The following RIPOR2 variants were observed in gnomAD, a reference collection of about 807,000 sequenced individuals.
RIPOR2 encodes RHO family interacting cell polarization regulator 2.
A neutral mutation model predicts 114.5 loss-of-function variants in RIPOR2; 39 were observed. That is an observed-to-expected ratio of 0.34 (90% CI 0.26 to 0.44). The LOEUF is 0.44. Ranked by LOEUF, RIPOR2 falls within the 20% of genes least tolerant of loss-of-function variation. The pLI is 1.00. For missense variants in RIPOR2, 1,007 were observed against 1,255.1 expected (o/e 0.80, Z 2.99); for synonymous variants, 445 against 484.4 (o/e 0.92, Z 1.07).
intron 17 of RIPOR2, 23 bp downstream of exon 17, chr6:24,830,484 TTC>T: frequency 2.1e-6 from 3 of 1,407,254 alleles, no homozygotes; most frequent in Non-Finnish European, 2.9e-6. Context: ...AGGACAGAAA[TTC>T]TCTCTCTACT....
chr6:24,943,848 T>C (rs1248289813), intron 1 of RIPOR2, among the ~76,000 whole-genome samples: 4 of 152,188 alleles, frequency 2.6e-5, no homozygotes, highest in Admixed American at 1.3e-4. Context: ...ATTTGACCTG[T>C]CTGGTGGTTC....
intron 1 of RIPOR2, among the ~76,000 whole-genome samples, chr6:25,031,818 T>C (rs1776996825): frequency 7.1e-6 from 1 of 141,472 alleles, no homozygotes; most frequent in South Asian, 2.2e-4. Flanking sequence ...CCATAGAACA[T>C]ATATATTATA....
chr6:24,854,996 T>C (rs4431425), intron 8 of RIPOR2, among the ~76,000 whole-genome samples: 84,619 of 141,014 alleles, frequency 0.6, 25,320 homozygotes, highest in Middle Eastern at 0.71. Context: ...CACTGCACTT[T>C]AGCCTGGCAA....
intron 1 of RIPOR2, among the ~76,000 whole-genome samples, chr6:24,974,953 G>T (rs1227654996): frequency 6.6e-6 from 1 of 152,246 alleles, no homozygotes; most frequent in African/African-American, 2.4e-5. Context: ...AATCTTCAGA[G>T]ACAGAAAGTA....
intron 20 of RIPOR2, among the ~76,000 whole-genome samples, chr6:24,810,762 A>AT (rs61298573): frequency 0.44 from 66,008 of 150,656 alleles, 15,372 homozygotes; most frequent in Non-Finnish European, 0.53. Context: ...CCTGAAGGTA[A>AT]TTTTTTTTTT....
intron 1 of RIPOR2, among the ~76,000 whole-genome samples, chr6:24,899,715 C>T (rs139892649): frequency 6.6e-6 from 1 of 152,284 alleles, no homozygotes; most frequent in Non-Finnish European, 1.5e-5. Context: ...ACGGATCAGA[C>T]AAAAGTCCTC....
intron 20 of RIPOR2, among the ~76,000 whole-genome samples, chr6:24,811,347 C>T (rs1250592720): frequency 1.3e-5 from 2 of 149,662 alleles, no homozygotes; most frequent in East Asian, 2.0e-4. Flanking sequence ...GATTCTCCTG[C>T]CTCAGCCTCC....
chr6:24,940,287 G>A (rs968544193), upstream of RIPOR2, among the ~76,000 whole-genome samples: 11 of 152,242 alleles, frequency 7.2e-5, no homozygotes, highest in African/African-American at 2.2e-4. Flanking sequence ...AACATCCAAC[G>A]TGGGCTTTTA....
intron 1 of RIPOR2, among the ~76,000 whole-genome samples, chr6:24,921,222 G>A (rs1770453934): frequency 6.6e-6 from 1 of 152,046 alleles, no homozygotes; most frequent in African/African-American, 2.4e-5. Context: ...GAGTGCAGTG[G>A]CATGATCTCG....
intron 1 of RIPOR2, among the ~76,000 whole-genome samples, chr6:25,021,768 C>T (rs1231251446): frequency 6.6e-6 from 1 of 152,032 alleles, no homozygotes; most frequent in Non-Finnish European, 1.5e-5. Flanking sequence ...CCCACCTGTT[C>T]CCAAAAAACC....
At chr6:24,970,734 G>A (rs1214528122) in intron 1 of RIPOR2, among the ~76,000 whole-genome samples, 2 of 152,122 alleles carry the variant, frequency 1.3e-5, no homozygotes, top group Non-Finnish European at 2.9e-5. Flanking sequence ...TGAAACCAGG[G>A]AAATATCATG....
At chr6:24,946,089 AT>A (rs34818168) in intron 1 of RIPOR2, among the ~76,000 whole-genome samples, 108,317 of 149,346 alleles carry the variant, frequency 0.73, 39,384 homozygotes, top group African/African-American at 0.79. Context: ...TTTTTAATTA[AT>A]TTTTTTTTTT....
intron 1 of RIPOR2, among the ~76,000 whole-genome samples, chr6:24,970,806 G>T (rs762536659): frequency 6.6e-6 from 1 of 152,202 alleles, no homozygotes; most frequent in African/African-American, 2.4e-5. Context: ...TGTTGCCATT[G>T]TGTAGTGGTA....
At chr6:24,933,397 G>C (rs1309682611) in intron 1 of RIPOR2, among the ~76,000 whole-genome samples, 1 of 152,156 alleles carries the variant, frequency 6.6e-6, no homozygotes, top group African/African-American at 2.4e-5. Flanking sequence ...TGAATTGGTT[G>C]GCAAAGCCTA....
chr6:24,830,712 T>C (rs57860512), intron 16 of RIPOR2, 42 bp from the exon 17 acceptor site: 10 of 1,503,528 alleles, frequency 6.7e-6, no homozygotes, highest in South Asian at 5.1e-5. Flanking sequence ...ACACATTTTA[T>C]TTTATTTTAT....
chr6:24,820,136 G>A (rs1433682865), intron 19 of RIPOR2, among the ~76,000 whole-genome samples: 10 of 152,042 alleles, frequency 6.6e-5, no homozygotes, highest in Non-Finnish European at 1.0e-4. Context: ...GGGTTCAAGC[G>A]ATTCTCCTGC....
intron 1 of RIPOR2, among the ~76,000 whole-genome samples, chr6:24,980,728 G>A (rs1045615677): frequency 2.0e-5 from 3 of 152,184 alleles, no homozygotes; most frequent in African/African-American, 7.2e-5. Context: ...GTCACAGGGG[G>A]CTTTTGGGCA....
rs1231039210 is a variant in RIPOR2, at chr6:24,843,033, C to T, written c.1686G>A (p.Leu562=). 4 of 1,609,522 alleles carry T rather than the reference C, an allele frequency of 2.5e-6. No homozygotes were observed. Among genetic ancestry groups the T allele is most frequent in the East Asian group, 4.5e-5 (2 of 44,794 alleles). The change falls in exon 13 of 22, where the codon CTG becomes CTA. Residue 562 remains leucine, a synonymous_variant. Transcript: ENST00000643898. ...CTCCACCAACAGAACCCTCAGAGAG[C>T]AGCCTGTCTGTGGCCATTGGCACCT... ...SAEVPMATDR[L]LSEGSVGGES... is the part of the protein sequence containing the mutation.
At chr6:24,833,892 G>A (rs1308836257) in intron 15 of RIPOR2, among the ~76,000 whole-genome samples, 5 of 151,966 alleles carry the variant, frequency 3.3e-5, no homozygotes, top group African/African-American at 9.7e-5. Context: ...TAGTCTTTGC[G>A]AGAAAACAGT....
Sources: gnomAD v4.1 joint callset for allele counts (sites outside exome capture counted in the v4.1 genomes callset) on GRCh38, gnomAD v4.1.1 for gene constraint, MANE v1.5 for transcripts, NCBI Gene and HGNC (gene_info 2026-07-23, HGNC 2026-07-21) for gene names.